The following IL31RA variants were observed in gnomAD, a reference collection of about 807,000 sequenced individuals.
The protein encoded by IL31RA is interleukin-31 receptor subunit alpha.
In IL31RA, 66 loss-of-function variants were observed where a neutral mutation model predicts 83.7. The ratio of observed to expected loss-of-function variants is 0.79; its 90% CI spans 0.65 to 0.97. The LOEUF is 0.97. Ranked by LOEUF, IL31RA falls within the 50% of genes least tolerant of loss-of-function variation. The pLI, the probability that IL31RA is intolerant of heterozygous loss-of-function variation, is 0.00. For missense variants in IL31RA, 798 were observed against 919.4 expected (o/e 0.87, Z 1.71); for synonymous variants, 325 against 329.0 (o/e 0.99, Z 0.13).
At chr5:55,896,524 T>TCCTCCCCTTC (rs1748354235) in intron 7 of IL31RA, 95 bp downstream of exon 7, 1 of 636,238 alleles carries the variant, frequency 1.6e-6, no homozygotes, top group African/African-American at 3.6e-5. Context: ...CCTTCCATCC[T>TCCTCCCCTTC]CCTTCCCTTC....
intron 7 of IL31RA, among the ~76,000 whole-genome samples, chr5:55,898,288 G>A (rs980365676): frequency 6.6e-6 from 1 of 151,972 alleles, no homozygotes; most frequent in Non-Finnish European, 1.5e-5. Context: ...CCTCCCCGTC[G>A]CCTGTTGGGT....
At chr5:55,881,099 G>A (rs1045054555) in intron 4 of IL31RA, among the ~76,000 whole-genome samples, 3 of 152,062 alleles carry the variant, frequency 2.0e-5, no homozygotes, top group African/African-American at 7.2e-5. Context: ...TCAGGAGCTT[G>A]AGACCGTCTT....
chr5:55,892,097 A>AT, intron 6 of IL31RA, among the ~76,000 whole-genome samples: 1 of 152,234 alleles, frequency 6.6e-6, no homozygotes, highest in African/African-American at 2.4e-5. Context: ...TTTGAGGGCC[A>AT]TTTTTCAGCC....
intron 4 of IL31RA, among the ~76,000 whole-genome samples, chr5:55,873,391 G>A (rs966151464): frequency 6.6e-6 from 1 of 151,920 alleles, no homozygotes; most frequent in Non-Finnish European, 1.5e-5. Flanking sequence ...TTTTTGTGTG[G>A]ACATGTTTCA....
chr5:55,895,450 A>G (rs899246844), intron 6 of IL31RA, among the ~76,000 whole-genome samples: 2 of 152,234 alleles, frequency 1.3e-5, no homozygotes, highest in Non-Finnish European at 2.9e-5. Context: ...AGTGAAATGT[A>G]AATTCCTTGT....
intron 2 of IL31RA, among the ~76,000 whole-genome samples, chr5:55,864,280 T>C (rs894694827): frequency 3.3e-5 from 3 of 91,666 alleles, no homozygotes; most frequent in Admixed American, 1.3e-4. Context: ...GATCCACATA[T>C]ATACACACAG....
chr5:55,888,224 A>T (rs1348030175), intron 5 of IL31RA, among the ~76,000 whole-genome samples: 8 of 152,210 alleles, frequency 5.3e-5, no homozygotes, highest in Admixed American at 5.2e-4. Context: ...GCCTGTGCAG[A>T]GTTGGGGAAG....
the IL31RA span, among the ~76,000 whole-genome samples, chr5:55,844,874 C>T: frequency 6.6e-6 from 1 of 152,082 alleles, no homozygotes; most frequent in East Asian, 1.9e-4. Flanking sequence ...GAAATTATTT[C>T]TTCAGCTATG....
intron 7 of IL31RA, 25 bp from the exon 8 acceptor site, chr5:55,899,891 T>C (rs773881679): frequency 6.4e-7 from 1 of 1,563,808 alleles, no homozygotes; most frequent in Non-Finnish European, 8.8e-7. Flanking sequence ...TTATTGGCAA[T>C]AAATTTTGTT....
chr5:55,901,559 TTGTC>T (rs1239233893), intron 8 of IL31RA, among the ~76,000 whole-genome samples: 4 of 150,724 alleles, frequency 2.7e-5, no homozygotes, highest in Admixed American at 6.7e-5. Flanking sequence ...GTAAAATGCT[TTGTC>T]TGGTGCTAAT....
At chr5:55,880,772 T>G (rs1253660345) in intron 4 of IL31RA, among the ~76,000 whole-genome samples, 1 of 152,220 alleles carries the variant, frequency 6.6e-6, no homozygotes, top group East Asian at 1.9e-4. Context: ...CTGCTAAATG[T>G]CAGGTGTTAA....
At chr5:55,854,467 G>A (rs1030424053) in intron 1 of IL31RA, among the ~76,000 whole-genome samples, 11 of 152,040 alleles carry the variant, frequency 7.2e-5, no homozygotes, top group African/African-American at 1.7e-4. Context: ...TATGCAGGCC[G>A]GGCAAAGTGG....
chr5:55,860,331 G>A (rs940405286), intron 2 of IL31RA, among the ~76,000 whole-genome samples: 4 of 151,124 alleles, frequency 2.6e-5, no homozygotes, highest in Non-Finnish European at 5.9e-5. Flanking sequence ...ATTGTGCCAC[G>A]GCACTCCAGC....
intron 7 of IL31RA, among the ~76,000 whole-genome samples, chr5:55,899,377 G>A (rs1221827652): frequency 1.3e-5 from 2 of 152,216 alleles, no homozygotes; most frequent in Admixed American, 6.5e-5. Context: ...TAAACTTCTC[G>A]CCAAGGGTTT....
intron 8 of IL31RA, 145 bp downstream of exon 8, chr5:55,900,277 G>A: frequency 1.4e-6 from 1 of 706,934 alleles, no homozygotes; most frequent in South Asian, 1.5e-5. Flanking sequence ...GAAGCAATGA[G>A]AATTTGCTGG....
chr5:55,891,760 G>GCTTTT (rs1201802698), intron 6 of IL31RA, among the ~76,000 whole-genome samples: 1 of 47,896 alleles, frequency 2.1e-5, no homozygotes, highest in African/African-American at 6.2e-5. Context: ...ATTTGGACAA[G>GCTTTT]ATTTTTTTTT....
upstream of IL31RA, among the ~76,000 whole-genome samples, chr5:55,849,168 C>T (rs1222737469): frequency 1.3e-5 from 2 of 151,982 alleles, no homozygotes; most frequent in Admixed American, 1.3e-4. Flanking sequence ...ATATCCCTTC[C>T]CATTGCCAAA....
In IL31RA at chr5:55,921,110, C is replaced by A. The variant is rs1750070081; in HGVS notation, c.*3990C>A. On this transcript the variant is annotated 3_prime_UTR_variant, in exon 15 of 15. Coordinates refer to ENST00000652347, the MANE Select transcript of IL31RA (RefSeq NM_139017.7). ...CTACCCTCTGCCTTCTAGATCCACA[C>A]ACAGTGTTCACATGGGTGAGACTCC... Among the ~76,000 whole-genome samples, 1 of 152,240 alleles carries A rather than the reference C, an allele frequency of 6.6e-6. No homozygotes were observed.
chr5:55,899,866 C>G (rs1204528456), intron 7 of IL31RA, 50 bp from the exon 8 acceptor site: 1 of 1,375,092 alleles, frequency 7.3e-7, no homozygotes, highest in East Asian at 2.3e-5. Flanking sequence ...GTCTCAATGC[C>G]TTTCTTTTTC....
Sources: gnomAD v4.1 joint callset for allele counts (sites outside exome capture counted in the v4.1 genomes callset) on GRCh38, gnomAD v4.1.1 for gene constraint, MANE v1.5 for transcripts, NCBI Gene and HGNC (gene_info 2026-07-23, HGNC 2026-07-21) for gene names.